The following UNC5C variants were observed in gnomAD, a reference collection of about 807,000 sequenced individuals.
UNC5C encodes the protein unc-5 netrin receptor C.
In UNC5C, 47 loss-of-function variants were observed where a neutral mutation model predicts 99.8. That is an observed-to-expected ratio of 0.47 (90% CI 0.37 to 0.60). UNC5C has a LOEUF of 0.60. Ranked by LOEUF, UNC5C falls within the 20% of genes least tolerant of loss-of-function variation. UNC5C has a pLI of 0.00. For synonymous variants in UNC5C, 487 were observed against 452.2 expected, an observed-to-expected ratio of 1.08 and a Z score of -0.98; for missense variants, 1,062 against 1,165.9, an observed-to-expected ratio of 0.91 and a Z score of 1.30.
intron 1 of UNC5C, among the ~76,000 whole-genome samples, chr4:95,453,161 C>T (rs546742157): frequency 6.6e-6 from 1 of 152,234 alleles, no homozygotes; most frequent in South Asian, 2.1e-4. Context: ...ACCTACCAGA[C>T]TAAGCACCAA....
chr4:95,311,118 A>C (rs895108607), intron 2 of UNC5C, among the ~76,000 whole-genome samples: 5 of 152,122 alleles, frequency 3.3e-5, no homozygotes, highest in Admixed American at 2.0e-4. Context: ...TAAAGTTGCA[A>C]CGAATTGCTA....
chr4:95,235,775 A>G (rs1244840916), intron 7 of UNC5C, among the ~76,000 whole-genome samples: 2 of 152,178 alleles, frequency 1.3e-5, no homozygotes, highest in Non-Finnish European at 2.9e-5. Context: ...GAGTGGGCAA[A>G]GGATATGAAC....
chr4:95,408,184 A>T (rs1279401216), intron 1 of UNC5C, among the ~76,000 whole-genome samples: 1 of 152,194 alleles, frequency 6.6e-6, no homozygotes, highest in Admixed American at 6.5e-5. Flanking sequence ...TAAAAATTGA[A>T]TACAAAATGC....
At chr4:95,428,996 T>C (rs954205461) in intron 1 of UNC5C, among the ~76,000 whole-genome samples, 26 of 152,192 alleles carry the variant, frequency 1.7e-4, no homozygotes, top group African/African-American at 6.0e-4. Context: ...CAGCTTCTTG[T>C]AAGGCTTCAT....
intron 1 of UNC5C, among the ~76,000 whole-genome samples, chr4:95,513,345 G>A (rs1722128152): frequency 6.6e-6 from 1 of 152,192 alleles, no homozygotes; most frequent in Admixed American, 6.6e-5. Flanking sequence ...GCTAAGTGGT[G>A]CCTTCATTCC....
At chr4:95,407,551 A>T (rs1268681251) in intron 1 of UNC5C, among the ~76,000 whole-genome samples, 2 of 152,134 alleles carry the variant, frequency 1.3e-5, no homozygotes, top group Non-Finnish European at 2.9e-5. Context: ...AAATTACATG[A>T]TGTGTGTAGT....
At chr4:95,368,118 T>C (rs1744628762) in intron 1 of UNC5C, among the ~76,000 whole-genome samples, 1 of 152,134 alleles carries the variant, frequency 6.6e-6, no homozygotes, top group Admixed American at 6.5e-5. Context: ...TTAAAAACAT[T>C]TTGACGTCTA....
intron 14 of UNC5C, among the ~76,000 whole-genome samples, chr4:95,173,102 CTT>C (rs1268718742): frequency 2.1e-4 from 32 of 151,800 alleles, no homozygotes; most frequent in African/African-American, 7.8e-4. Flanking sequence ...TATCCTGAGA[CTT>C]TGCTGAAGTT....
rs569854394 is a variant in UNC5C at position 95,184,989 on chromosome 4, T to C, written c.2286+58A>G. 12 of 1,493,080 alleles carry C rather than the reference T, an allele frequency of 8.0e-6. No individual in the cohort carries two copies. In the South Asian group the frequency reaches 1.7e-4, roughly 21 times the overall value. 92.5% of individuals were successfully genotyped at this position (1,493,080 alleles called of 1,614,324 possible). ...AAGGGGATTTCCTATGTCTATATAA[T>C]TTTAGACCTCTTTCTTAGAGATGTC... On this transcript the variant is annotated intron_variant, in intron 13 of 15. Transcript: ENST00000453304.
At chr4:95,354,853 ATC>A (rs1409405161) in intron 1 of UNC5C, among the ~76,000 whole-genome samples, 1 of 151,950 alleles carries the variant, frequency 6.6e-6, no homozygotes, top group Non-Finnish European at 1.5e-5. Context: ...ACCATTTTCT[ATC>A]TCTCTCCCAC....
intron 1 of UNC5C, among the ~76,000 whole-genome samples, chr4:95,392,444 T>C (rs144846205): frequency 6.8e-6 from 1 of 147,304 alleles, no homozygotes; most frequent in Non-Finnish European, 1.5e-5. Context: ...TTTTTTTTTT[T>C]AAAAAAAAAA....
intron 14 of UNC5C, among the ~76,000 whole-genome samples, chr4:95,178,433 A>C (rs925782549): frequency 6.7e-6 from 1 of 149,334 alleles, no homozygotes; most frequent in Non-Finnish European, 1.5e-5. Flanking sequence ...CTGTATTTGT[A>C]GGTTACTGCC....
intron 3 of UNC5C, among the ~76,000 whole-genome samples, chr4:95,288,710 C>G (rs751473425): frequency 3.3e-5 from 5 of 152,180 alleles, no homozygotes; most frequent in Non-Finnish European, 5.9e-5. Context: ...GATGGCATTC[C>G]TTGGCTTGTG....
At chr4:95,443,645 T>C (rs1205445913) in intron 1 of UNC5C, among the ~76,000 whole-genome samples, 1 of 152,198 alleles carries the variant, frequency 6.6e-6, no homozygotes, top group Non-Finnish European at 1.5e-5. Flanking sequence ...TATTTAACCA[T>C]CTTTTATTTT....
At chr4:95,467,064 C>T (rs1255857225) in intron 1 of UNC5C, among the ~76,000 whole-genome samples, 1 of 152,136 alleles carries the variant, frequency 6.6e-6, no homozygotes, top group Admixed American at 6.6e-5. Flanking sequence ...CTCCTGCCAA[C>T]AGCCACAGGA....
rs1224161269 is a variant in UNC5C, at chr4:95,219,271, A to G, written c.1343T>C (p.Met448Thr). The G allele has an allele frequency of 1.9e-6, 3 of 1,614,136 alleles. No homozygotes were observed. Among genetic ancestry groups the G allele is most frequent in the South Asian group, 2.2e-5 (2 of 91,084 alleles). ...CAGGGCATAGACAGGTCCTCTGTAC[A>G]TGGCTGCAGCTGACGTGAGGTCTGG... is the stretch of plus-strand genomic sequence containing the variant. ...VPPDLTSAAA[M>T]YRGPVYALHD... Residue 448 changes from methionine (M) to threonine (T), a missense_variant, in exon 9 of 16, where the codon ATG (methionine) becomes ACG (threonine). Met to Thr is a moderately conservative substitution (Grantham distance 81). Coordinates refer to ENST00000453304, the MANE Select transcript of UNC5C (RefSeq NM_003728.4).
chr4:95,259,051 G>A (rs997679523), intron 4 of UNC5C, among the ~76,000 whole-genome samples: 5 of 151,896 alleles, frequency 3.3e-5, no homozygotes, highest in Admixed American at 2.0e-4. Context: ...GTGAGCCACC[G>A]CGCCCGGCCT....
intron 3 of UNC5C, among the ~76,000 whole-genome samples, chr4:95,294,739 C>G (rs941037119): frequency 5.3e-5 from 8 of 152,108 alleles, no homozygotes; most frequent in Non-Finnish European, 1.5e-5. Context: ...AAAGTTTGCT[C>G]AGTATTGATG....
At chr4:95,310,811 G>A (rs566784927) in intron 2 of UNC5C, among the ~76,000 whole-genome samples, 1 of 152,052 alleles carries the variant, frequency 6.6e-6, no homozygotes, top group African/African-American at 2.4e-5. Context: ...GGGTTGGGGG[G>A]GGATTTCTAG....
Sources: gnomAD v4.1 joint callset for allele counts (sites outside exome capture counted in the v4.1 genomes callset) on GRCh38, gnomAD v4.1.1 for gene constraint, MANE v1.5 for transcripts, NCBI Gene and HGNC (gene_info 2026-07-23, HGNC 2026-07-21) for gene names.